ADGRL3: variants seen among roughly 807,000 people sequenced by gnomAD.
ADGRL3 encodes the protein calcium-independent alpha-latrotoxin receptor 3.
In ADGRL3, 62 loss-of-function variants were observed where a neutral mutation model predicts 153.5. The ratio of observed to expected loss-of-function variants is 0.40; its 90% CI spans 0.33 to 0.50. ADGRL3 has a LOEUF of 0.50. Among genes scored for constraint, ADGRL3 ranks in the 20% least tolerant of loss-of-function variants. The pLI, the probability that ADGRL3 is intolerant of heterozygous loss-of-function variation, is 0.47. For missense variants in ADGRL3, 1,641 were observed against 1,859.4 expected, an observed-to-expected ratio of 0.88 and a Z score of 2.16; for synonymous variants, 710 against 672.5, an observed-to-expected ratio of 1.06 and a Z score of -0.86.
intron 2 of ADGRL3, among the ~76,000 whole-genome samples, chr4:61,488,250 CT>C (rs1444441206): frequency 6.6e-6 from 1 of 151,904 alleles, no homozygotes; most frequent in African/African-American, 2.4e-5. Context: ...TAAAATTACC[CT>C]AGAGAGATTG....
At chr4:61,985,013 A>C (rs1220028668) in intron 19 of ADGRL3, among the ~76,000 whole-genome samples, 1 of 152,154 alleles carries the variant, frequency 6.6e-6, no homozygotes, top group African/African-American at 2.4e-5. Flanking sequence ...AATTCCTTAT[A>C]GTATATATGG....
rs147165055 is a variant in ADGRL3, at chr4:61,804,760, T to A, written c.1400-9049T>A. ...AGAGTAATACATGATAAATAGCTTT[T>A]ACTTTGAGATCTATATTGTCACACT... On this transcript the variant is annotated intron_variant, in intron 8 of 26. Coordinates refer to ENST00000683033, the MANE Select transcript of ADGRL3 (RefSeq NM_001387552.1). Among the ~76,000 whole-genome samples, 907 of 152,218 alleles carry A rather than the reference T, an allele frequency of 6.0e-3. 5 individuals are homozygous for A. Among genetic ancestry groups the A allele is most frequent in the African/African-American group, 0.021 (865 of 41,556 alleles).
At chr4:61,664,776 A>G (rs2094725212) in intron 5 of ADGRL3, among the ~76,000 whole-genome samples, 1 of 152,178 alleles carries the variant, frequency 6.6e-6, no homozygotes, top group Non-Finnish European at 1.5e-5. Flanking sequence ...TACAAATTTT[A>G]TAGTATCTTA....
intron 8 of ADGRL3, among the ~76,000 whole-genome samples, chr4:61,733,986 T>C (rs926505046): frequency 3.3e-5 from 5 of 152,208 alleles, no homozygotes; most frequent in Non-Finnish European, 7.3e-5. Flanking sequence ...ACCAATGTAG[T>C]CATCTCACAG....
intron 8 of ADGRL3, among the ~76,000 whole-genome samples, chr4:61,754,335 T>C (rs904730335): frequency 6.6e-6 from 1 of 152,056 alleles, no homozygotes; most frequent in African/African-American, 2.4e-5. Context: ...TCTAGAGAGA[T>C]CAGGCAGAGA....
At chr4:61,330,954 A>T (rs951535435) in intron 1 of ADGRL3, among the ~76,000 whole-genome samples, 1 of 152,154 alleles carries the variant, frequency 6.6e-6, no homozygotes, top group African/African-American at 2.4e-5. Context: ...ATGTGAGTCA[A>T]TTTCATAAAT....
At chr4:61,933,848 T>A (rs1399177269) in intron 13 of ADGRL3, 2 of 152,220 alleles carry the variant, frequency 1.3e-5, no homozygotes, top group East Asian at 1.9e-4. Flanking sequence ...AAAACACTTA[T>A]GTGCTGCCTG....
intron 1 of ADGRL3, among the ~76,000 whole-genome samples, chr4:61,303,753 G>A (rs577997388): frequency 2.4e-4 from 37 of 152,096 alleles, no homozygotes; most frequent in Non-Finnish European, 4.6e-4. Context: ...AACATTAGTG[G>A]TGAATTTATG....
At chr4:61,425,518 G>A (rs745518972) in intron 2 of ADGRL3, 3 of 152,278 alleles carry the variant, frequency 2.0e-5, no homozygotes, top group Admixed American at 6.5e-5. Context: ...ATCTATGGTC[G>A]AAACGACAAA....
intron 19 of ADGRL3, among the ~76,000 whole-genome samples, chr4:61,991,551 A>C (rs2099103736): frequency 1.3e-5 from 2 of 152,214 alleles, no homozygotes; most frequent in East Asian, 1.9e-4. Flanking sequence ...TATTAGAAGT[A>C]GTGTTTAATT....
chr4:61,857,310 G>A (rs1310330174), intron 9 of ADGRL3, among the ~76,000 whole-genome samples: 1 of 151,974 alleles, frequency 6.6e-6, no homozygotes, highest in Non-Finnish European at 1.5e-5. Flanking sequence ...TAGAAATACA[G>A]GCATAGTTCA....
chr4:61,532,979 T>TA (rs2098632748), intron 4 of ADGRL3, among the ~76,000 whole-genome samples: 2 of 152,170 alleles, frequency 1.3e-5, no homozygotes, highest in Admixed American at 1.3e-4. Context: ...ATTAAGAACA[T>TA]GGGACTCTTT....
chr4:61,778,735 T>C (rs1443392920), intron 8 of ADGRL3, among the ~76,000 whole-genome samples: 1 of 152,172 alleles, frequency 6.6e-6, no homozygotes, highest in Non-Finnish European at 1.5e-5. Flanking sequence ...GCACTACTGA[T>C]GGTCATTATC....
intron 1 of ADGRL3, among the ~76,000 whole-genome samples, chr4:61,382,588 C>A (rs1367192165): frequency 6.6e-6 from 1 of 151,506 alleles, no homozygotes; most frequent in Non-Finnish European, 1.5e-5. Context: ...TTATTTCTTT[C>A]TATTTTTTAA....
chr4:61,838,474 A>G (rs944593019), intron 9 of ADGRL3, among the ~76,000 whole-genome samples: 3 of 152,162 alleles, frequency 2.0e-5, no homozygotes, highest in Admixed American at 2.0e-4. Context: ...TCAAGCAGGT[A>G]AACTCAAGAT....
chr4:61,629,013 C>T (rs2092996561), intron 5 of ADGRL3, among the ~76,000 whole-genome samples: 1 of 152,150 alleles, frequency 6.6e-6, no homozygotes, highest in Non-Finnish European at 1.5e-5. Flanking sequence ...AATCTTGCTA[C>T]AGCACTAGGG....
At chr4:61,962,509 G>T (rs1201103859) in intron 17 of ADGRL3, among the ~76,000 whole-genome samples, 1 of 151,800 alleles carries the variant, frequency 6.6e-6, no homozygotes, top group Non-Finnish European at 1.5e-5. Context: ...GCCTGTTTTT[G>T]TCTTTCATGA....
At chr4:61,580,137 A>T (rs1335772476) in intron 4 of ADGRL3, among the ~76,000 whole-genome samples, 5 of 152,158 alleles carry the variant, frequency 3.3e-5, no homozygotes, top group African/African-American at 1.2e-4. Context: ...ATTGCCAATA[A>T]GTAGAATCAT....
intron 11 of ADGRL3, among the ~76,000 whole-genome samples, chr4:61,904,594 A>G (rs888031179): frequency 4.6e-5 from 7 of 152,180 alleles, no homozygotes; most frequent in African/African-American, 1.7e-4. Context: ...AGAGAATTGC[A>G]TAGGCCTTCT....
Sources: allele counts gnomAD v4.1 joint callset (sites outside exome capture counted in the v4.1 genomes callset), GRCh38; gene constraint gnomAD v4.1.1; transcripts MANE v1.5; gene names NCBI Gene and HGNC (gene_info 2026-07-23, HGNC 2026-07-21).